Variants in RYR2 observed in about 807,000 individuals in gnomAD.
The protein encoded by RYR2 is cardiac muscle ryanodine receptor-calcium release channel.
Under a neutral mutation model 601.1 loss-of-function variants are expected in RYR2, and 227 were observed. The observed-to-expected ratio is 0.38, with a 90% confidence interval of 0.34 to 0.42. The LOEUF is 0.42. Ranked by LOEUF, RYR2 falls within the 10% of genes least tolerant of loss-of-function variation. The pLI is 1.00. For missense variants in RYR2, 4,646 were observed against 6,156.5 expected (o/e 0.75, Z 8.21); for synonymous variants, 2,223 against 2,175.1 (o/e 1.02, Z -0.61).
intron 21 of RYR2, among the ~76,000 whole-genome samples, chr1:237,501,471 G>A (rs1453199265): frequency 2.0e-5 from 3 of 152,000 alleles, no homozygotes; most frequent in Admixed American, 6.6e-5. Context: ...TTACCAGAGG[G>A]AAACAAATTA....
At chr1:237,101,314 A>C (rs993833058) in intron 1 of RYR2, among the ~76,000 whole-genome samples, 7 of 141,394 alleles carry the variant, frequency 5.0e-5, no homozygotes, top group African/African-American at 1.8e-4. Context: ...AAAAAAAAAA[A>C]AAAAAAAAAA....
At chr1:237,274,648 A>G (rs1447124080) in intron 2 of RYR2, among the ~76,000 whole-genome samples, 2 of 152,186 alleles carry the variant, frequency 1.3e-5, no homozygotes, top group Non-Finnish European at 2.9e-5. Context: ...TAAAGTTTGC[A>G]GTAGGGTAGT....
chr1:237,382,392 T>C (rs867161159), intron 8 of RYR2, among the ~76,000 whole-genome samples: 2 of 152,328 alleles, frequency 1.3e-5, no homozygotes, highest in Middle Eastern at 6.8e-3. Flanking sequence ...TATTTTTTAT[T>C]ATACTTTAAG....
Position 237,350,633 on chromosome 1 carries a change from A to ATCTC in RYR2, c.274-5330_274-5327dup, listed in dbSNP as rs780156890. The stretch of plus-strand genomic sequence containing the variant: ...TATATATATATATATATATATATAT[A>ATCTC]TCTCTGACCTCTGAGAAAGAATTTA... On this transcript the variant is annotated intron_variant, in intron 3 of 104. Transcript: ENST00000366574. Among the ~76,000 whole-genome samples the ATCTC allele has an allele frequency of 1.6e-4, 15 of 92,368 alleles. No individual in the cohort carries two copies. In the South Asian group the frequency reaches 1.9e-3, roughly 12 times the overall value. The allele number at this position is 92,368 out of a possible 152,430, so 60.6% of individuals were successfully genotyped here.
intron 44 of RYR2, 131 bp from the exon 45 acceptor site, chr1:237,638,226 G>C: frequency 5.4e-6 from 6 of 1,109,990 alleles, no homozygotes; most frequent in Middle Eastern, 2.1e-4. Context: ...ATTATCATGA[G>C]AGCAAAAAGA....
In RYR2 at chr1:237,565,125, TTC is replaced by T. The variant is rs1671848691; in HGVS notation, c.3215-1440_3215-1439del. On this transcript the variant is annotated intron_variant, in intron 27 of 104. Coordinates refer to ENST00000366574, the MANE Select transcript of RYR2 (RefSeq NM_001035.3). ...CTTTTCTTTCTTTCTTTTTCTTTCTTTCTTTCTTTCTTTCTTTTTCTTTCTTT... is the reference window on the plus strand; with the variant it reads ...CTTTTCTTTCTTTCTTTTTCTTTCTTTTTCTTTCTTTCTTTTTCTTTCTTT... Among the ~76,000 whole-genome samples the T allele has an allele frequency of 8.0e-5, 10 of 125,454 alleles. 1 individual carries two copies. The South Asian group carries it at 9.5e-4, about 12-fold the overall frequency. 82.3% of individuals were successfully genotyped at this position (125,454 alleles called of 152,430 possible). A position where few individuals can be genotyped will look rare whatever the true frequency, so the allele number is the denominator to read the frequency against.
chr1:237,243,905 G>T (rs907968511), intron 1 of RYR2, among the ~76,000 whole-genome samples: 5 of 152,214 alleles, frequency 3.3e-5, no homozygotes, highest in Admixed American at 2.6e-4. Flanking sequence ...AGCCGCTCCA[G>T]TCACACATTA....
intron 1 of RYR2, among the ~76,000 whole-genome samples, chr1:237,159,030 A>C (rs1481937532): frequency 6.6e-6 from 1 of 152,194 alleles, no homozygotes; most frequent in Admixed American, 6.5e-5. Context: ...GCTCACGCCT[A>C]TTACATAATC....
In RYR2 at chr1:237,617,561, A is replaced by G. The variant is rs1024431738; in HGVS notation, c.5916+75A>G. 8.1e-6 allele frequency: 11 copies of G among 1,361,130 alleles called. No individual in the cohort carries two copies. The Admixed American group carries it at 1.3e-4, about 17-fold the overall frequency. 84.3% of individuals were successfully genotyped at this position (1,361,130 alleles called of 1,614,324 possible). On this transcript the variant is annotated intron_variant, in intron 38 of 104. Transcript: ENST00000366574. Reference sequence around the variant, plus strand: ...TTCAGGATCTCTGCCTTGCAAAATTATATAACTCACACGTCTTGTTTTCCT... The same window carrying G: ...TTCAGGATCTCTGCCTTGCAAAATTGTATAACTCACACGTCTTGTTTTCCT...
In RYR2 at chr1:237,163,783, A is replaced by G. The variant is rs568313734; in HGVS notation, c.49-106714A>G. Among the ~76,000 whole-genome samples, 197 of 152,300 alleles carry G rather than the reference A, an allele frequency of 1.3e-3. 1 individual carries two copies. The highest frequency in any genetic ancestry group is 4.1e-3 in the African/African-American group (170 of 41,558). ...TTTGATCAACAATTGAGAGGTCTAGACTTCAGATGTCAAACCTTTTGAGCC... is the reference window on the plus strand; with the variant it reads ...TTTGATCAACAATTGAGAGGTCTAGGCTTCAGATGTCAAACCTTTTGAGCC... On this transcript the variant is annotated intron_variant, in intron 1 of 104. Transcript: ENST00000366574.
chr1:237,418,733 A>G (rs1705258394), intron 11 of RYR2, among the ~76,000 whole-genome samples: 2 of 152,000 alleles, frequency 1.3e-5, no homozygotes, highest in African/African-American at 2.4e-5. Context: ...AAAAATATTT[A>G]TATAAATTTA....
chr1:237,053,922 A>G (rs1661608139), intron 1 of RYR2, among the ~76,000 whole-genome samples: 1 of 152,200 alleles, frequency 6.6e-6, no homozygotes, highest in East Asian at 1.9e-4. Context: ...TAACCCCTTT[A>G]TAGTGAAGGA....
intron 32 of RYR2, 58 bp downstream of exon 32, chr1:237,591,911 C>A: frequency 8.9e-7 from 1 of 1,124,652 alleles, no homozygotes; most frequent in Admixed American, 2.0e-5. Flanking sequence ...TGTTTTACAT[C>A]TCCAGTAATA....
Position 237,638,307 on chromosome 1 carries a change from A to G in RYR2, c.6793-50A>G, listed in dbSNP as rs1224354867. 4 of 1,611,542 alleles carry G rather than the reference A, an allele frequency of 2.5e-6. No homozygotes were observed. The Admixed American group carries it at 5.0e-5, about 20-fold the overall frequency. ...TTTATTGTATCCAATGTAAGCATCT[A>G]ATGAGTTTTCAGCCAAGGGATAACT... On this transcript the variant is annotated intron_variant, in intron 44 of 104. Transcript: ENST00000366574.
chr1:237,345,213 G>T (rs1004180893), intron 3 of RYR2, among the ~76,000 whole-genome samples: 3 of 152,118 alleles, frequency 2.0e-5, no homozygotes, highest in Admixed American at 6.6e-5. Flanking sequence ...TTTAAAATCA[G>T]TTTGTAAAAA....
chr1:237,719,198 A>G (rs913841781), intron 73 of RYR2, among the ~76,000 whole-genome samples: 2 of 152,190 alleles, frequency 1.3e-5, no homozygotes, highest in Non-Finnish European at 2.9e-5. Context: ...TGGAGGTTGC[A>G]GTGAACCAAG....
rs141228235 is a variant in RYR2, at chr1:237,089,150, C to T, written c.48+46581C>T. Among the ~76,000 whole-genome samples, 13 of 152,338 alleles carry T rather than the reference C, an allele frequency of 8.5e-5. No homozygotes were observed. In the East Asian group the frequency reaches 2.5e-3, roughly 29 times the overall value. ...CAGGAAATTCCCTGCCAATTACATC[C>T]ATTTCATCTGCCTCCAACTTAACCC... On this transcript the variant is annotated intron_variant, in intron 1 of 104. Coordinates refer to ENST00000366574, the MANE Select transcript of RYR2 (RefSeq NM_001035.3).
Position 237,800,419 on chromosome 1 carries a change from GA to G in RYR2, c.14091-1428del, listed in dbSNP as rs543814761. ...TAGTTCAAAGATAACTTTATTTAAG[GA>G]AAAAAAAATTGTTTTTAATCCTGGA... is the stretch of plus-strand genomic sequence containing the variant. On this transcript the variant is annotated intron_variant, in intron 97 of 104. Transcript: ENST00000366574. 1.7e-3 allele frequency among the ~76,000 whole-genome samples: 256 copies of G among 150,130 alleles called. 4 individuals carry two copies. The highest frequency in any genetic ancestry group is 3.4e-3 in the Middle Eastern group (1 of 292).
intron 17 of RYR2, among the ~76,000 whole-genome samples, chr1:237,475,892 A>T (rs149563656): frequency 4.3e-4 from 64 of 149,032 alleles, no homozygotes; most frequent in African/African-American, 1.5e-3. Context: ...GTGTCTAGTG[A>T]TTATGTCGCT....
Sources: allele counts gnomAD v4.1 joint callset (sites outside exome capture counted in the v4.1 genomes callset), GRCh38; gene constraint gnomAD v4.1.1; transcripts MANE v1.5; gene names NCBI Gene and HGNC (gene_info 2026-07-23, HGNC 2026-07-21).